Variants in LMF1 observed in about 807,000 individuals in gnomAD.
The protein encoded by LMF1 is transmembrane protein 112.
In LMF1, 68 loss-of-function variants were observed where a neutral mutation model predicts 60.6. That is an observed-to-expected ratio of 1.12 (90% CI 0.92 to 1.37). The LOEUF is 1.37. Ranked by LOEUF, LMF1 falls within the 40% of genes most tolerant of loss-of-function variation. The pLI is 0.00. For synonymous variants in LMF1, 418 were observed against 324.7 expected, an observed-to-expected ratio of 1.29 and a Z score of -3.09; for missense variants, 948 against 767.2, an observed-to-expected ratio of 1.24 and a Z score of -2.78.
At chr16:944,340 A>G (rs1445910885) in intron 2 of LMF1, among the ~76,000 whole-genome samples, 1 of 152,186 alleles carries the variant, frequency 6.6e-6, no homozygotes, top group East Asian at 1.9e-4. Flanking sequence ...AACAAACCCA[A>G]GGACTTAGTG....
At chr16:870,707 G>C in intron 8 of LMF1, 22 bp downstream of exon 8, 1 of 1,611,910 alleles carries the variant, frequency 6.2e-7, no homozygotes, top group Non-Finnish European at 8.5e-7. Flanking sequence ...AGCTCCGGGG[G>C]ACGGGGACCC....
intron 4 of LMF1, among the ~76,000 whole-genome samples, chr16:910,645 G>A (rs1288548790): frequency 6.6e-6 from 1 of 152,164 alleles, no homozygotes; most frequent in African/African-American, 2.4e-5. Flanking sequence ...GGGGGAAGCA[G>A]GGCGTCCAGT....
chr16:928,729 A>ACCCCCACGGGCCCATCCCCACG (rs1456928765), intron 3 of LMF1, among the ~76,000 whole-genome samples: 1 of 87,166 alleles, frequency 1.1e-5, no homozygotes, highest in Non-Finnish European at 2.5e-5. Flanking sequence ...CCCACCCCAC[A>ACCCCCACGGGCCCATCCCCACG]CCCCCACGGG....
At position 953,333 on chromosome 16, in the gene LMF1, A is replaced by C. The variant is rs376714682; in HGVS notation, c.503+1024T>G. On this transcript the variant is annotated intron_variant, in intron 2 of 10. Coordinates refer to ENST00000262301, the MANE Select transcript of LMF1 (RefSeq NM_022773.4). ...CACGTCCACACAGACACCCACCCCAAACCAGCTTCCTACACGTTCACACAG... is the reference window on the plus strand; with the variant it reads ...CACGTCCACACAGACACCCACCCCACACCAGCTTCCTACACGTTCACACAG... Among the ~76,000 whole-genome samples the C allele has an allele frequency of 9.8e-4, 45 of 45,880 alleles. 1 individual carries two copies. The highest frequency in any genetic ancestry group is 0.013 in the Middle Eastern group (1 of 76). The allele number at this position is 45,880 out of a possible 152,430, so 30.1% of individuals were successfully genotyped here. A position where few individuals can be genotyped will look rare whatever the true frequency, so the allele number is the denominator to read the frequency against.
At chr16:907,050 T>A (rs557595912) in intron 4 of LMF1, among the ~76,000 whole-genome samples, 24 of 152,332 alleles carry the variant, frequency 1.6e-4, no homozygotes, top group African/African-American at 5.5e-4. Flanking sequence ...GTTCTGAATG[T>A]TATTATAAAT....
At chr16:864,953 C>A (rs955401852) in intron 10 of LMF1, among the ~76,000 whole-genome samples, 5 of 152,094 alleles carry the variant, frequency 3.3e-5, no homozygotes, top group African/African-American at 7.2e-5. Context: ...TTATTTAGAC[C>A]ATTTACATTG....
chr16:899,938 C>T (rs2070764355), intron 4 of LMF1: 1 of 152,250 alleles, frequency 6.6e-6, no homozygotes, highest in Admixed American at 6.5e-5. Context: ...TCGGAGGCTC[C>T]ACTGCACGAT....
chr16:861,952 C>T (rs563872951), intron 10 of LMF1, among the ~76,000 whole-genome samples: 2 of 152,306 alleles, frequency 1.3e-5, no homozygotes, highest in African/African-American at 4.8e-5. Context: ...GGAAGTTCCT[C>T]TCCTTCTCTG....
At chr16:960,279 T>C (rs78473141) in intron 1 of LMF1, among the ~76,000 whole-genome samples, 6,330 of 143,238 alleles carry the variant, frequency 0.044, 376 homozygotes, top group African/African-American at 0.11. Flanking sequence ...CACTGGATCA[T>C]AACCCAGACA....
chr16:855,022 C>T, intron 10 of LMF1: 1 of 471,168 alleles, frequency 2.1e-6, no homozygotes, highest in Non-Finnish European at 3.9e-6. Flanking sequence ...TCACGGGTGG[C>T]ACTGAGCAAG....
chr16:948,007 C>CAG (rs200055395), intron 2 of LMF1, among the ~76,000 whole-genome samples: 6 of 151,014 alleles, frequency 4.0e-5, no homozygotes, highest in Non-Finnish European at 8.8e-5. Context: ...ACGACAGAGT[C>CAG]AGCCAACGAC....
intron 4 of LMF1, chr16:893,477 G>A (rs1011627544): frequency 2.2e-6 from 1 of 446,738 alleles, no homozygotes; most frequent in Admixed American, 2.4e-5. Context: ...CCCAAAGTCG[G>A]AGGGAGCACC....
At chr16:917,675 C>T (rs1033269826) in intron 3 of LMF1, among the ~76,000 whole-genome samples, 1 of 152,238 alleles carries the variant, frequency 6.6e-6, no homozygotes, top group East Asian at 1.9e-4. Flanking sequence ...TGCCTGCCCC[C>T]GTACCGGGGC....
At position 903,434 on chromosome 16, in the gene LMF1, G is replaced by A. The variant is rs1489958137; in HGVS notation, c.663+7497C>T. The A allele has an allele frequency of 6.5e-5, 3 of 46,012 alleles. No homozygotes were observed. In the African/African-American group the frequency reaches 7.4e-4, roughly 11 times the overall value. The allele number at this position is 46,012 out of a possible 1,614,324, so 2.9% of individuals were successfully genotyped here. Reference sequence around the variant, plus strand: ...GTGACCTCTGCACTGCCCACAGGACGCCTGTCTCTGCTGTGTGGTGGTGAC... The same window carrying A: ...GTGACCTCTGCACTGCCCACAGGACACCTGTCTCTGCTGTGTGGTGGTGAC... On this transcript the variant is annotated intron_variant, in intron 4 of 10. Transcript: ENST00000262301.
chr16:910,833 C>T (rs560665403), intron 4 of LMF1, 98 bp downstream of exon 4: 52 of 1,486,676 alleles, frequency 3.5e-5, no homozygotes, highest in Admixed American at 8.8e-5. Context: ...CAGAGGGCGG[C>T]GGGGGAGGAA....
At chr16:882,569 C>T (rs539712315) in intron 5 of LMF1, among the ~76,000 whole-genome samples, 14 of 152,368 alleles carry the variant, frequency 9.2e-5, no homozygotes, top group East Asian at 5.8e-4. Context: ...CCTGACACCA[C>T]GTGCAGCAGA....
In LMF1 at chr16:897,069, G is replaced by A. The variant is rs762566420; in HGVS notation, c.664-3997C>T. Among the ~76,000 whole-genome samples, 4 of 152,024 alleles carry A rather than the reference G, an allele frequency of 2.6e-5. No individual in the cohort carries two copies. Among genetic ancestry groups the A allele is most frequent in the Non-Finnish European group, 4.4e-5 (3 of 67,998 alleles). ...AGGGAGCCGGGGACCCACACTGCCC[G>A]TGCCACCCTCCCGCTCTGCTCGGAA... On this transcript the variant is annotated intron_variant, in intron 4 of 10. Coordinates refer to ENST00000262301, the MANE Select transcript of LMF1 (RefSeq NM_022773.4). This position sits in a 1 kb window ranked among gnomAD's most constrained non-coding sequence, Gnocchi z 4.3.
rs185306411 is a variant in LMF1 at position 907,388 on chromosome 16, G to A, written c.663+3543C>T. 6.8e-4 allele frequency among the ~76,000 whole-genome samples: 104 copies of A among 151,854 alleles called. 1 individual carries two copies. The highest frequency in any genetic ancestry group is 5.5e-3 in the Admixed American group (84 of 15,240). ...TACACTCCAGCCTGGGTGACAAGGC[G>A]AGACTCCATCTCAAAAAGAAAAAAA... is the stretch of plus-strand genomic sequence containing the variant. On this transcript the variant is annotated intron_variant, in intron 4 of 10. Transcript: ENST00000262301.
At position 952,953 on chromosome 16, in the gene LMF1, ACGTC is replaced by A. The variant is rs1262127577; in HGVS notation, c.503+1400_503+1403del. On this transcript the variant is annotated intron_variant, in intron 2 of 10. Transcript: ENST00000262301. ...CACCCACCCCAAACCAGCCTCCTGCACGTCCACACAGACACCCCAAACCAGCCTC... is the reference window on the plus strand; with the variant it reads ...CACCCACCCCAAACCAGCCTCCTGCACACACAGACACCCCAAACCAGCCTC... Among the ~76,000 whole-genome samples, 284 of 104,488 alleles carry A rather than the reference ACGTC, an allele frequency of 2.7e-3. 30 individuals are homozygous for A. The highest frequency in any genetic ancestry group is 7.8e-3 in the African/African-American group (164 of 20,902). The allele number at this position is 104,488 out of a possible 152,430, so 68.5% of individuals were successfully genotyped here. A position where few individuals can be genotyped will look rare whatever the true frequency, so the allele number is the denominator to read the frequency against.
Sources: allele counts gnomAD v4.1 joint callset (sites outside exome capture counted in the v4.1 genomes callset), GRCh38; gene constraint gnomAD v4.1.1; non-coding constraint Gnocchi (gnomAD v3.1); transcripts MANE v1.5; gene names NCBI Gene and HGNC (gene_info 2026-07-23, HGNC 2026-07-21).